Variants in CAMK2B observed in about 807,000 individuals in gnomAD.
The protein encoded by CAMK2B is calcium/calmodulin-dependent protein kinase type II subunit beta.
In CAMK2B, 27 loss-of-function variants were observed where a neutral mutation model predicts 93.7. The observed-to-expected ratio is 0.29, with a 90% confidence interval of 0.21 to 0.40. CAMK2B has a LOEUF of 0.40. Ranked by LOEUF, CAMK2B falls within the 10% of genes least tolerant of loss-of-function variation. The pLI, the probability that CAMK2B is intolerant of heterozygous loss-of-function variation, is 1.00. For missense variants in CAMK2B, 568 were observed against 895.8 expected (o/e 0.63, Z 4.67); for synonymous variants, 374 against 358.8 (o/e 1.04, Z -0.48).
chr7:44,296,498 A>C (rs1173030741), intron 1 of CAMK2B, among the ~76,000 whole-genome samples: 1 of 152,144 alleles, frequency 6.6e-6, no homozygotes, highest in East Asian at 1.9e-4. Context: ...AGGAGAAGAA[A>C]GGGGAAAAGC....
chr7:44,317,849 A>G (rs1346529205), intron 1 of CAMK2B, among the ~76,000 whole-genome samples: 4 of 152,192 alleles, frequency 2.6e-5, no homozygotes. Flanking sequence ...CAAGGGTTAT[A>G]TGAAGGAGTG....
At chr7:44,222,708 T>G (rs2096425062) in intron 20 of CAMK2B, among the ~76,000 whole-genome samples, 1 of 152,218 alleles carries the variant, frequency 6.6e-6, no homozygotes, top group African/African-American at 2.4e-5. Flanking sequence ...CCTCCCAAAG[T>G]GCTGGGATTA....
intron 1 of CAMK2B, among the ~76,000 whole-genome samples, chr7:44,301,542 C>G (rs893424552): frequency 1.1e-4 from 16 of 152,102 alleles, no homozygotes; most frequent in Non-Finnish European, 2.2e-4. Flanking sequence ...TTTGGGAGGC[C>G]GAGGTGAGCG....
chr7:44,219,625 G>A (rs11769308), intron 23 of CAMK2B, 103 bp from the exon 24 acceptor site: 1 of 184,532 alleles, frequency 5.4e-6, no homozygotes, highest in East Asian at 1.6e-4. Context: ...TTAAAGTCCA[G>A]AAAAGGGCCC....
At position 44,224,489 on chromosome 7, in the gene CAMK2B, G is replaced by A. The variant is rs1246705811; in HGVS notation, c.1597+2027C>T. Among the ~76,000 whole-genome samples, 2 of 152,238 alleles carry A rather than the reference G, an allele frequency of 1.3e-5. No homozygotes were observed. Among genetic ancestry groups the A allele is most frequent in the Non-Finnish European group, 2.9e-5 (2 of 68,050 alleles). On this transcript the variant is annotated intron_variant, in intron 20 of 23. Transcript: ENST00000395749. This position sits in a 1 kb window ranked among gnomAD's most constrained non-coding sequence, Gnocchi z 4.4. ...GGCCTGGGCTTGGAGGGGTCTGCAC[G>A]AGCCAAGAGCCTCTGCAAGTCAGGC... is the stretch of plus-strand genomic sequence containing the variant.
upstream of CAMK2B, chr7:44,325,721 C>G (rs1372627304): frequency 6.8e-6 from 1 of 146,656 alleles, no homozygotes; most frequent in African/African-American, 2.5e-5. Flanking sequence ...TCCCCGCGCC[C>G]TGCACACGCT....
chr7:44,283,369 G>A (rs1233352805), intron 2 of CAMK2B, among the ~76,000 whole-genome samples: 2 of 152,240 alleles, frequency 1.3e-5, no homozygotes, highest in East Asian at 1.9e-4. Context: ...GTGAGGGCAG[G>A]AGCCTGTCTG....
chr7:44,220,432 G>T, intron 22 of CAMK2B, 138 bp from the exon 23 acceptor site: 1 of 865,186 alleles, frequency 1.2e-6, no homozygotes, highest in Admixed American at 2.5e-5. Context: ...AGCAGCATGG[G>T]CCCCTCCAAG....
chr7:44,276,497 C>T (rs1371744545), intron 2 of CAMK2B, among the ~76,000 whole-genome samples: 1 of 152,166 alleles, frequency 6.6e-6, no homozygotes, highest in African/African-American at 2.4e-5. Flanking sequence ...GGGGGGCGTG[C>T]AGGCTTCCCT....
At chr7:44,233,417 G>A (rs533492156) in intron 15 of CAMK2B, among the ~76,000 whole-genome samples, 3 of 152,212 alleles carry the variant, frequency 2.0e-5, no homozygotes, top group South Asian at 2.1e-4. Flanking sequence ...TGAGCAGCTC[G>A]CCCCTCCCAG....
chr7:44,257,792 A>G (rs1359726673), intron 4 of CAMK2B, among the ~76,000 whole-genome samples: 4 of 152,252 alleles, frequency 2.6e-5, no homozygotes, highest in African/African-American at 7.2e-5. Flanking sequence ...AGAACCTCAC[A>G]TGGACAGAGG....
chr7:44,242,076 G>A, intron 10 of CAMK2B, 142 bp downstream of exon 10: 1 of 966,042 alleles, frequency 1.0e-6, no homozygotes, highest in Non-Finnish European at 1.5e-6. Flanking sequence ...CCAAGCCAGA[G>A]GCCACAAGGA....
At chr7:44,283,533 A>G (rs1784294794) in intron 2 of CAMK2B, among the ~76,000 whole-genome samples, 1 of 152,234 alleles carries the variant, frequency 6.6e-6, no homozygotes, top group African/African-American at 2.4e-5. Flanking sequence ...AAGCCCTCCC[A>G]GGACAGGCGG....
chr7:44,323,523 C>T (rs574122411), intron 1 of CAMK2B, among the ~76,000 whole-genome samples: 3 of 152,332 alleles, frequency 2.0e-5, no homozygotes, highest in East Asian at 1.9e-4. Context: ...GCGCTGGAAT[C>T]GGAGGCTCAG....
intron 1 of CAMK2B, among the ~76,000 whole-genome samples, chr7:44,306,993 G>GA (rs1791890134): frequency 6.9e-6 from 1 of 144,932 alleles, no homozygotes. Context: ...GGTGTGAGCA[G>GA]GAGGAGGAGG....
At chr7:44,281,045 T>C (rs1279882020) in intron 2 of CAMK2B, among the ~76,000 whole-genome samples, 8 of 152,144 alleles carry the variant, frequency 5.3e-5, no homozygotes, top group Non-Finnish European at 8.8e-5. Flanking sequence ...AACATTTCAC[T>C]CTAGTGCCTC....
At chr7:44,232,472 A>G (rs761196763) in intron 16 of CAMK2B, among the ~76,000 whole-genome samples, 1 of 152,156 alleles carries the variant, frequency 6.6e-6, no homozygotes, top group Non-Finnish European at 1.5e-5. Context: ...GGTGGAGGAC[A>G]GCCAGGAGGG....
At chr7:44,306,818 G>T (rs977687982) in intron 1 of CAMK2B, among the ~76,000 whole-genome samples, 6 of 148,120 alleles carry the variant, frequency 4.1e-5, no homozygotes, top group African/African-American at 1.5e-4. Flanking sequence ...TAAGGGCAGG[G>T]GTAGGAGAGT....
intron 1 of CAMK2B, among the ~76,000 whole-genome samples, chr7:44,324,503 C>T (rs1268248078): frequency 6.6e-6 from 1 of 152,050 alleles, no homozygotes; most frequent in Non-Finnish European, 1.5e-5. Flanking sequence ...ACGAACCAGA[C>T]CTTCGCCCTA....
Sources: gnomAD v4.1 joint callset for allele counts (sites outside exome capture counted in the v4.1 genomes callset) on GRCh38, gnomAD v4.1.1 for gene constraint, Gnocchi (gnomAD v3.1) non-coding constraint, MANE v1.5 for transcripts, NCBI Gene and HGNC (gene_info 2026-07-23, HGNC 2026-07-21) for gene names.